TRRAP: variants seen among roughly 807,000 people sequenced by gnomAD.
TRRAP encodes transformation/transcription domain-associated protein.
Under a neutral mutation model 438.8 loss-of-function variants are expected in TRRAP, and 41 were observed. The observed-to-expected ratio is 0.09, with a 90% CI of 0.07 to 0.12. The LOEUF (loss-of-function observed/expected upper bound fraction) is 0.12, where lower values mean the gene tolerates loss of function less well. Ranked by LOEUF, TRRAP falls within the 10% of genes least tolerant of loss-of-function variation. TRRAP has a pLI of 1.00. For synonymous variants in TRRAP, 1,994 were observed against 1,962.9 expected (o/e 1.02, Z -0.42); for missense variants, 3,122 against 5,055.1 (o/e 0.62, Z 11.60).
intron 67 of TRRAP, among the ~76,000 whole-genome samples, chr7:99,001,286 A>G (rs887010876): frequency 4.6e-5 from 7 of 152,204 alleles, no homozygotes; most frequent in African/African-American, 1.7e-4. Context: ...TGAAAAGTGA[A>G]GGGCAAGCCC....
intron 43 of TRRAP, among the ~76,000 whole-genome samples, chr7:98,957,249 T>C (rs916093106): frequency 6.6e-6 from 1 of 152,196 alleles, no homozygotes; most frequent in Non-Finnish European, 1.5e-5. Flanking sequence ...TGGGAGCTGC[T>C]CAACTGCCTC....
chr7:98,897,934 T>C, intron 8 of TRRAP, 68 bp downstream of exon 8: 2 of 1,551,464 alleles, frequency 1.3e-6, no homozygotes, highest in Non-Finnish European at 1.7e-6. Flanking sequence ...TGTTAAACCA[T>C]TTTTTTTTCT....
chr7:98,881,227 C>A lies in TRRAP; in HGVS notation c.77C>A (p.Ala26Glu). The part of the protein sequence containing the change: ...TLMKKYLQFV[A>E]ALTDVNTPDE... ...ATGAAAAAGTACCTTCAGTTTGTGG[C>A]AGCTCTCACAGATGTGAATACACGT... The change falls in exon 2 of 73, where the codon GCA (alanine) becomes GAA (glutamate). Residue 26 changes from alanine to glutamate, a missense_variant. Around this residue, in one of 24 missense-constraint regions of TRRAP, gnomAD observed 343 missense variants for 564.0 expected, o/e 0.61. Transcript: ENST00000456197. The A allele has an allele frequency of 6.2e-7, 1 of 1,609,318 alleles. No homozygotes were observed. The highest frequency in any genetic ancestry group is 8.5e-7 in the Non-Finnish European group (1 of 1,177,488).
intron 20 of TRRAP, 138 bp from the exon 21 acceptor site, chr7:98,921,615 A>G: frequency 9.1e-7 from 1 of 1,093,644 alleles, no homozygotes; most frequent in Non-Finnish European, 1.3e-6. Context: ...ACGTCAGGTG[A>G]TCTACCCGCC....
chr7:98,900,729 A>G lies in TRRAP; in HGVS notation c.897+9A>G, dbSNP rs1796433031. The G allele has an allele frequency of 6.2e-7, 1 of 1,605,330 alleles. No individual in the cohort carries two copies. Among genetic ancestry groups the G allele is most frequent in the Non-Finnish European group, 8.5e-7 (1 of 1,176,004 alleles). ...TTATCAGGATTTACCAGGTAAGGTCATTGACTTTTATGTCAGGTTTATTGA... is the reference window on the plus strand; with the variant it reads ...TTATCAGGATTTACCAGGTAAGGTCGTTGACTTTTATGTCAGGTTTATTGA... On this transcript the variant is annotated intron_variant, in intron 11 of 72. Coordinates refer to ENST00000456197, the MANE Select transcript of TRRAP (RefSeq NM_001375524.1).
chr7:98,997,534 C>T (rs1474191564), intron 67 of TRRAP, among the ~76,000 whole-genome samples: 1 of 147,422 alleles, frequency 6.8e-6, no homozygotes, highest in Non-Finnish European at 1.5e-5. Context: ...AGCCGAATTC[C>T]CATAGCTTGT....
intron 30 of TRRAP, among the ~76,000 whole-genome samples, chr7:98,939,015 G>T (rs1554414973): frequency 6.6e-6 from 1 of 152,186 alleles, no homozygotes; most frequent in African/African-American, 2.4e-5. Context: ...ATTTGACAGT[G>T]TTTAAAATTG....
chr7:99,008,338 C>T (rs1335773508), intron 69 of TRRAP, 39 bp from the exon 70 acceptor site: 21 of 1,598,758 alleles, frequency 1.3e-5, no homozygotes, highest in Non-Finnish European at 1.7e-5. Context: ...GGCCCGCGGT[C>T]ACCCTCAGCC....
intron 58 of TRRAP, among the ~76,000 whole-genome samples, chr7:98,980,466 G>A (rs1792865901): frequency 6.6e-6 from 1 of 150,410 alleles, no homozygotes; most frequent in Non-Finnish European, 1.5e-5. Context: ...AGGCGTTCCA[G>A]TGCTTTCTTC....
intron 63 of TRRAP, 138 bp downstream of exon 63, chr7:98,989,104 T>A: frequency 2.2e-6 from 2 of 921,466 alleles, no homozygotes; most frequent in South Asian, 3.3e-5. Flanking sequence ...TCATCACTGT[T>A]CGAAGTATCT....
chr7:98,909,982 T>A, intron 14 of TRRAP, 74 bp from the exon 15 acceptor site: 1 of 1,487,834 alleles, frequency 6.7e-7, no homozygotes. Flanking sequence ...CTTATTTTAC[T>A]GTGATCTGAG....
intron 27 of TRRAP, 68 bp downstream of exon 27, chr7:98,933,470 G>T (rs964824435): frequency 1.3e-6 from 2 of 1,535,948 alleles, no homozygotes; most frequent in African/African-American, 1.4e-5. Flanking sequence ...GTCTTTGTAC[G>T]CGAAGACTGG....
At chr7:98,935,531 G>T (rs1554414015) in intron 27 of TRRAP, 48 bp from the exon 28 acceptor site, 3 of 1,535,494 alleles carry the variant, frequency 2.0e-6, no homozygotes, top group East Asian at 4.6e-5. Flanking sequence ...AGGTTATTAT[G>T]TCTTCACAGG....
chr7:98,880,845 C>T lies in TRRAP; in HGVS notation c.-61-245C>T, dbSNP rs192320504. On this transcript the variant is annotated intron_variant, in intron 1 of 72. Coordinates refer to ENST00000456197, the MANE Select transcript of TRRAP (RefSeq NM_001375524.1). Reference sequence around the variant, plus strand: ...CTTTACAGAAAATGTTTGCCAACCCCTGACTCAGAGAAAGAGAAAATACCG... The same window carrying T: ...CTTTACAGAAAATGTTTGCCAACCCTTGACTCAGAGAAAGAGAAAATACCG... Among the ~76,000 whole-genome samples the T allele has an allele frequency of 8.5e-5, 13 of 152,212 alleles. 1 individual carries two copies. The highest frequency in any genetic ancestry group is 8.5e-4 in the Admixed American group (13 of 15,276).
At chr7:98,912,534 A>G (rs1789320454) in intron 18 of TRRAP, among the ~76,000 whole-genome samples, 1 of 152,140 alleles carries the variant, frequency 6.6e-6, no homozygotes, top group Admixed American at 6.5e-5. Flanking sequence ...GCAGTAACTA[A>G]TTTGTCTATC....
intron 67 of TRRAP, among the ~76,000 whole-genome samples, chr7:98,995,334 G>C (rs1470167868): frequency 6.6e-6 from 1 of 151,278 alleles, no homozygotes; most frequent in Non-Finnish European, 1.5e-5. Flanking sequence ...GGGCCAGTGG[G>C]AGACAGGGTC....
At chr7:98,899,588 A>G (rs1433320870) in intron 9 of TRRAP, 89 bp downstream of exon 9, 4 of 1,599,750 alleles carry the variant, frequency 2.5e-6, no homozygotes, top group Non-Finnish European at 3.4e-6. Context: ...TAATACACAC[A>G]TGCTAAATAA....
At chr7:98,964,156 ATTCT>A (rs1792051204) in intron 47 of TRRAP, among the ~76,000 whole-genome samples, 3 of 151,910 alleles carry the variant, frequency 2.0e-5, no homozygotes, top group Non-Finnish European at 4.4e-5. Flanking sequence ...ATGAAAGATA[ATTCT>A]ACTCAGTGTT....
Position 98,917,658 on chromosome 7 carries a change from G to C in TRRAP, c.2601G>C (p.Pro867=), listed in dbSNP as rs55865120. ...ACTTCCTCTACGACCACATCCAGCC[G>C]GTGCGCGCAGAGCTCATGCAGGTAG... is the stretch of plus-strand genomic sequence containing the variant. ...QPDFLYDHIQ[P]VRAELMQALW... The change falls in exon 20 of 73, where the codon CCG becomes CCC. Residue 867 remains proline (P), a synonymous_variant. Transcript: ENST00000456197. The C allele has an allele frequency of 1.2e-6, 2 of 1,613,994 alleles. No homozygotes were observed. The highest frequency in any genetic ancestry group is 2.7e-5 in the African/African-American group (2 of 74,912).
Sources: gnomAD v4.1 joint callset for allele counts (sites outside exome capture counted in the v4.1 genomes callset) on GRCh38, gnomAD v4.1.1 for gene constraint, gnomAD v4.1.1 regional missense constraint, MANE v1.5 for transcripts, NCBI Gene and HGNC (gene_info 2026-07-23, HGNC 2026-07-21) for gene names.